Variants in PTCHD4 observed in about 807,000 individuals in gnomAD.
PTCHD4 encodes the protein patched domain-containing protein 4.
Under a neutral mutation model 58.1 loss-of-function variants are expected in PTCHD4, and 33 were observed. The observed-to-expected ratio is 0.57, with a 90% CI of 0.43 to 0.76. The LOEUF (loss-of-function observed/expected upper bound fraction) is 0.76. Among genes scored for constraint, PTCHD4 ranks in the 30% least tolerant of loss-of-function variants. The pLI, the probability that PTCHD4 is intolerant of heterozygous loss-of-function variation, is 0.00. For missense variants in PTCHD4, 1,058 were observed against 1,027.1 expected (o/e 1.03, Z -0.41); for synonymous variants, 478 against 409.6 (o/e 1.17, Z -2.02).
rs149680786 is a variant in PTCHD4, at chr6:48,001,816, A to T, written c.898+6818T>A. 9.0e-3 allele frequency among the ~76,000 whole-genome samples: 1,376 copies of T among 152,370 alleles called. 21 individuals carry two copies. Among genetic ancestry groups the T allele is most frequent in the African/African-American group, 0.031 (1,306 of 41,582 alleles). On this transcript the variant is annotated intron_variant, in intron 4 of 4. Coordinates refer to ENST00000339488, the MANE Select transcript of PTCHD4 (RefSeq NM_001384253.1). ...GCAAAAGAAACTACCATTAGCGTGA[A>T]CAGGCAACCTACAGAATGGAAGAAA...
intron 1 of PTCHD4, among the ~76,000 whole-genome samples, chr6:48,100,371 T>C (rs776460048): frequency 6.6e-6 from 1 of 152,192 alleles, no homozygotes; most frequent in Non-Finnish European, 1.5e-5. Flanking sequence ...AAATGTGATG[T>C]CGTCCCTTGC....
rs1013825893 is a variant in PTCHD4 at position 47,901,971 on chromosome 6, T to A, written c.899-22035A>T. On this transcript the variant is annotated intron_variant, in intron 4 of 4. Coordinates refer to ENST00000339488, the MANE Select transcript of PTCHD4 (RefSeq NM_001384253.1). ...GTATGAGCAAGTCAGTAACAAGAGT[T>A]ATGTTATATTTCTAGCCTCACTCAT... The A allele has an allele frequency of 1.9e-5, 23 of 1,234,474 alleles. No homozygotes were observed. In the African/African-American group the frequency reaches 2.6e-4, roughly 14 times the overall value. 76.5% of individuals were successfully genotyped at this position (1,234,474 alleles called of 1,614,324 possible). A position where few individuals can be genotyped will look rare whatever the true frequency, so the allele number is the denominator to read the frequency against.
chr6:47,951,716 C>T (rs967892601), intron 4 of PTCHD4, among the ~76,000 whole-genome samples: 5 of 152,048 alleles, frequency 3.3e-5, no homozygotes, highest in Non-Finnish European at 5.9e-5. Flanking sequence ...TTTGACCAGA[C>T]ATCAGCTTGC....
rs1216855206 is a variant in PTCHD4 at position 48,069,461 on chromosome 6, G to C, written c.-504C>G. The stretch of plus-strand genomic sequence containing the variant: ...CTTTTCAGCGAAGAAAAGGAGCAGA[G>C]AGGATGATGCTGCATTTTTAACACA... On this transcript the variant is annotated 5_prime_UTR_variant, in exon 2 of 5. Coordinates refer to ENST00000339488, the MANE Select transcript of PTCHD4 (RefSeq NM_001384253.1). Among the ~76,000 whole-genome samples, 1 of 152,168 alleles carries C rather than the reference G, an allele frequency of 6.6e-6. No homozygotes were observed. The highest frequency in any genetic ancestry group is 1.9e-4 in the East Asian group (1 of 5,172).
chr6:47,884,200 G>T (rs1348984600), intron 4 of PTCHD4, among the ~76,000 whole-genome samples: 1 of 152,024 alleles, frequency 6.6e-6, no homozygotes, highest in Non-Finnish European at 1.5e-5. Context: ...GAACTGGATT[G>T]CTACCAACCA....
chr6:48,012,527 G>C, intron 3 of PTCHD4, among the ~76,000 whole-genome samples: 1 of 152,044 alleles, frequency 6.6e-6, no homozygotes, highest in African/African-American at 2.4e-5. Flanking sequence ...AAACAGAAAC[G>C]ATTTGACTTC....
intron 4 of PTCHD4, among the ~76,000 whole-genome samples, chr6:47,893,687 A>G (rs1764446819): frequency 6.6e-6 from 1 of 152,232 alleles, no homozygotes; most frequent in Admixed American, 6.5e-5. Context: ...GTCCCTTAGT[A>G]CAAATATCTG....
intron 3 of PTCHD4, among the ~76,000 whole-genome samples, chr6:48,023,764 A>AG (rs1293995981): frequency 6.6e-6 from 1 of 152,312 alleles, no homozygotes; most frequent in East Asian, 1.9e-4. Flanking sequence ...TTTTTAAAAA[A>AG]GGTCAAAACT....
chr6:47,926,688 C>G (rs1376521966), intron 4 of PTCHD4, among the ~76,000 whole-genome samples: 1 of 152,098 alleles, frequency 6.6e-6, no homozygotes, highest in Non-Finnish European at 1.5e-5. Flanking sequence ...AACAAATAGC[C>G]TGTAGTAGAA....
rs184309526 is a variant in PTCHD4 at position 47,898,682 on chromosome 6, T to G, written c.899-18746A>C. Among the ~76,000 whole-genome samples the G allele has an allele frequency of 2.5e-3, 380 of 152,312 alleles. 1 individual carries two copies. Among genetic ancestry groups the G allele is most frequent in the Non-Finnish European group, 4.5e-3 (306 of 68,028 alleles). The stretch of plus-strand genomic sequence containing the variant: ...TGTGGTAAACTAGATAGGAGGATAC[T>G]TCTACCTCCCAACTTGATGTAGACG... On this transcript the variant is annotated intron_variant, in intron 4 of 4. Coordinates refer to ENST00000339488, the MANE Select transcript of PTCHD4 (RefSeq NM_001384253.1).
chr6:48,069,527 G>T lies in PTCHD4; in HGVS notation c.-570C>A, dbSNP rs1440434543. ...GGGATTTCCTCGCAACACCTTCCTC[G>T]CTGTGATTCCACAGACCAGTCCGCT... On this transcript the variant is annotated 5_prime_UTR_variant, in exon 2 of 5. Transcript: ENST00000339488. Among the ~76,000 whole-genome samples the T allele has an allele frequency of 6.6e-6, 1 of 152,118 alleles. No individual in the cohort carries two copies. Among genetic ancestry groups the T allele is most frequent in the African/African-American group, 2.4e-5 (1 of 41,428 alleles).
At chr6:47,992,752 T>C (rs1768328435) in intron 4 of PTCHD4, among the ~76,000 whole-genome samples, 1 of 152,192 alleles carries the variant, frequency 6.6e-6, no homozygotes, top group African/African-American at 2.4e-5. Context: ...TTCTTTTTCT[T>C]TGAATGTTTT....
At chr6:47,921,863 C>G (rs561838407) in intron 4 of PTCHD4, among the ~76,000 whole-genome samples, 12 of 151,184 alleles carry the variant, frequency 7.9e-5, no homozygotes, top group African/African-American at 2.9e-4. Flanking sequence ...ATAATTCCAG[C>G]ACTTTGGGAG....
rs547967817 is a variant in PTCHD4 at position 48,022,878 on chromosome 6, T to C, written c.418-13764A>G. Reference sequence around the variant, plus strand: ...AAAAGATTAACCAAAAATCATTATATACTTAGAAAATAATTCTTTGTTTTT... The same window carrying C: ...AAAAGATTAACCAAAAATCATTATACACTTAGAAAATAATTCTTTGTTTTT... On this transcript the variant is annotated intron_variant, in intron 3 of 4. Transcript: ENST00000339488. 1.4e-3 allele frequency among the ~76,000 whole-genome samples: 208 copies of C among 152,266 alleles called. 1 individual carries two copies. The highest frequency in any genetic ancestry group is 4.8e-3 in the African/African-American group (199 of 41,570).
At position 47,870,625 on chromosome 6, in the gene PTCHD4, C is replaced by A. The variant is rs985820462; in HGVS notation, c.*7678G>T. Among the ~76,000 whole-genome samples the A allele has an allele frequency of 7.3e-5, 11 of 151,486 alleles. No individual in the cohort carries two copies. Among genetic ancestry groups the A allele is most frequent in the African/African-American group, 2.7e-4 (11 of 41,326 alleles). ...TTTTGGTTTGGGTTCTTAGTAAGAT[C>A]AAAAATAGGTACTTTTAGAATATTT... On this transcript the variant is annotated 3_prime_UTR_variant, in exon 5 of 5. Transcript: ENST00000339488.
chr6:47,912,617 G>C (rs1053568888), intron 4 of PTCHD4, among the ~76,000 whole-genome samples: 1 of 151,830 alleles, frequency 6.6e-6, no homozygotes, highest in Non-Finnish European at 1.5e-5. Flanking sequence ...TTCTTTTTCA[G>C]ACATTTAATA....
At chr6:48,022,917 GA>G (rs200391385) in intron 3 of PTCHD4, among the ~76,000 whole-genome samples, 1 of 149,914 alleles carries the variant, frequency 6.7e-6, no homozygotes, top group East Asian at 2.0e-4. Flanking sequence ...TTCTTGAAAG[GA>G]AAAAAAAAGC....
In PTCHD4 at chr6:48,069,011, TC is replaced by T. The variant is rs1388307169; in HGVS notation, c.-55del. On this transcript the variant is annotated 5_prime_UTR_variant, in exon 2 of 5. The change abolishes the stop of an existing upstream ORF in the 5' untranslated region. Transcript: ENST00000339488. ...ATCTCGGTGCTGCAGTCCCCTGGCC[TC>T]CCTCGCTGGAGGTGGTTCCGTGTGG... Among the ~76,000 whole-genome samples, 3 of 149,754 alleles carry T rather than the reference TC, an allele frequency of 2.0e-5. No individual in the cohort carries two copies. Among genetic ancestry groups the T allele is most frequent in the African/African-American group, 7.4e-5 (3 of 40,526 alleles).
intron 4 of PTCHD4, among the ~76,000 whole-genome samples, chr6:47,994,061 G>A (rs905300303): frequency 6.6e-6 from 1 of 152,162 alleles, no homozygotes; most frequent in Non-Finnish European, 1.5e-5. Context: ...CAGGGAAGGC[G>A]GGAGCAGGTA....
Sources: gnomAD v4.1 joint callset for allele counts (sites outside exome capture counted in the v4.1 genomes callset) on GRCh38, gnomAD v4.1.1 for gene constraint, MANE v1.5 for transcripts, NCBI Gene and HGNC (gene_info 2026-07-23, HGNC 2026-07-21) for gene names.